Variants in DNAH7 observed in about 807,000 individuals in gnomAD.
The protein encoded by DNAH7 is dynein axonemal heavy chain 7.
A neutral mutation model predicts 444.6 loss-of-function variants in DNAH7; 397 were observed. The ratio of observed to expected loss-of-function variants is 0.89; its 90% CI spans 0.82 to 0.97. The LOEUF (loss-of-function observed/expected upper bound fraction) is 0.97. DNAH7 is among the 50% of genes least tolerant of loss of function. The pLI is 0.00. For missense variants in DNAH7, 4,902 were observed against 4,800.8 expected, an observed-to-expected ratio of 1.02 and a Z score of -0.62; for synonymous variants, 1,636 against 1,624.4, an observed-to-expected ratio of 1.01 and a Z score of -0.17.
At chr2:195,897,282 TTATC>T (rs755506099) in intron 29 of DNAH7, among the ~76,000 whole-genome samples, 13 of 152,186 alleles carry the variant, frequency 8.5e-5, no homozygotes, top group South Asian at 2.1e-4. Context: ...TTAAGCATAT[TTATC>T]TATTTTATTT....
chr2:195,852,120 T>A (rs1188205834), intron 46 of DNAH7, among the ~76,000 whole-genome samples: 1 of 151,968 alleles, frequency 6.6e-6, no homozygotes, highest in East Asian at 1.9e-4. Context: ...TAGCCAGGCG[T>A]GGTGGCGGGC....
chr2:195,995,627 G>T, intron 12 of DNAH7: 2 of 265,966 alleles, frequency 7.5e-6, no homozygotes, highest in South Asian at 7.9e-5. Context: ...GGGCCAAACA[G>T]ACCAGTGGTG....
chr2:195,745,877 A>G (rs985209011), intron 63 of DNAH7, among the ~76,000 whole-genome samples: 7 of 152,240 alleles, frequency 4.6e-5, no homozygotes, highest in Non-Finnish European at 1.0e-4. Context: ...AACAACCGGT[A>G]CCAGCCACTG....
chr2:196,046,629 C>T (rs1159544717), intron 5 of DNAH7, among the ~76,000 whole-genome samples: 1 of 152,104 alleles, frequency 6.6e-6, no homozygotes, highest in Non-Finnish European at 1.5e-5. Flanking sequence ...CTCAACCCAG[C>T]TGCATGGGAC....
At chr2:195,837,114 T>C (rs1698414602) in intron 47 of DNAH7, among the ~76,000 whole-genome samples, 1 of 152,224 alleles carries the variant, frequency 6.6e-6, no homozygotes. Flanking sequence ...TGTTTATTCC[T>C]TTAAAGGAAG....
chr2:195,886,151 G>C lies in DNAH7; in HGVS notation c.5528C>G (p.Ser1843Cys). ...LKERNDRETY[S>C]LLEGIFLFSL... ...GGCAACGGACCTTACCTCAAGCAAAGAGTAAGTTTCTCGATCATTTCTCTC... is the reference window on the plus strand; with the variant it reads ...GGCAACGGACCTTACCTCAAGCAAACAGTAAGTTTCTCGATCATTTCTCTC... Residue 1843 changes from serine to cysteine, a missense_variant, in exon 34 of 65, where the codon TCT becomes TGT. By Grantham distance (112) the Ser-to-Cys change is moderately radical. Coordinates refer to ENST00000312428, the MANE Select transcript of DNAH7 (RefSeq NM_018897.3). The C allele has an allele frequency of 6.2e-7, 1 of 1,613,098 alleles. No homozygotes were observed. The highest frequency in any genetic ancestry group is 8.5e-7 in the Non-Finnish European group (1 of 1,179,618).
Position 195,876,680 on chromosome 2 carries a change from A to C in DNAH7, c.5981T>G (p.Leu1994Arg). 1 of 1,596,412 alleles carries C rather than the reference A, an allele frequency of 6.3e-7. No homozygotes were observed. Among genetic ancestry groups the C allele is most frequent in the Admixed American group, 1.7e-5 (1 of 58,472 alleles). The change falls in exon 37 of 65, where the codon CTA (leucine) becomes CGA (arginine). Residue 1994 changes from leucine to arginine, a missense_variant. Coordinates refer to ENST00000312428, the MANE Select transcript of DNAH7 (RefSeq NM_018897.3). ...VYITNFLLNQLNKEIYKPLLI... is the reference protein window; with the variant it reads ...VYITNFLLNQRNKEIYKPLLI... ...CAGAGGTTTGTAGATTTCCTTATTT[A>C]GTTGATTTAAAAGAAAATTCTATAT...
At chr2:196,041,308 A>T (rs1346810830) in intron 5 of DNAH7, among the ~76,000 whole-genome samples, 1 of 152,146 alleles carries the variant, frequency 6.6e-6, no homozygotes, top group Non-Finnish European at 1.5e-5. Context: ...CAGACTTCAA[A>T]ATACAGTACA....
rs143447308 is a variant in DNAH7 at position 195,919,685 on chromosome 2, C to T, written c.3935+2403G>A. 9.9e-5 allele frequency among the ~76,000 whole-genome samples: 15 copies of T among 152,208 alleles called. No homozygotes were observed. The East Asian group carries it at 2.1e-3, about 22-fold the overall frequency. On this transcript the variant is annotated intron_variant, in intron 24 of 64. Coordinates refer to ENST00000312428, the MANE Select transcript of DNAH7 (RefSeq NM_018897.3). Reference sequence around the variant, plus strand: ...TTAAAGGAAGAGAATTAAATAAATACATTTAATTCAATTAAATCAGTAGGG... The same window carrying T: ...TTAAAGGAAGAGAATTAAATAAATATATTTAATTCAATTAAATCAGTAGGG...
intron 48 of DNAH7, among the ~76,000 whole-genome samples, chr2:195,830,375 C>T (rs180901887): frequency 1.3e-5 from 2 of 152,208 alleles, no homozygotes; most frequent in African/African-American, 4.8e-5. Flanking sequence ...GCATGTAGGA[C>T]ATTAAATAAT....
rs75067824 is a variant in DNAH7, at chr2:195,864,865, C to A, written c.6790G>T (p.Asp2264Tyr). 4.0e-4 allele frequency: 645 copies of A among 1,614,064 alleles called. No homozygotes were observed. In the African/African-American group the frequency reaches 7.8e-3, roughly 19 times the overall value. The change falls in exon 41 of 65, where the codon GAC (aspartate) becomes TAC (tyrosine). Residue 2264 changes from aspartate (D) to tyrosine (Y), a missense_variant. Coordinates refer to ENST00000312428, the MANE Select transcript of DNAH7 (RefSeq NM_018897.3). ...TCACAAAACATTAAGCTGCGTAAGT[C>A]ATCTGCTTCCACCATGCCATCATTA... ...FDNDGMVEAD[D>Y]LRSLMFCDFH...
intron 63 of DNAH7, among the ~76,000 whole-genome samples, chr2:195,752,993 G>C (rs544493828): frequency 9.8e-5 from 15 of 152,304 alleles, no homozygotes; most frequent in African/African-American, 3.4e-4. Context: ...GGGGATTGTA[G>C]AAAGACAATT....
intron 12 of DNAH7, among the ~76,000 whole-genome samples, chr2:195,999,825 C>T (rs1312355247): frequency 3.9e-5 from 6 of 152,106 alleles, no homozygotes; most frequent in African/African-American, 1.2e-4. Flanking sequence ...ACACCAATTA[C>T]TTATAAGATG....
At chr2:195,742,420 G>A (rs1035426301) in intron 63 of DNAH7, among the ~76,000 whole-genome samples, 6 of 152,158 alleles carry the variant, frequency 3.9e-5, no homozygotes, top group Admixed American at 3.3e-4. Flanking sequence ...CCTCATTTGG[G>A]AAGAGTGATA....
chr2:196,011,505 C>T (rs745428692), intron 10 of DNAH7, among the ~76,000 whole-genome samples: 72 of 152,094 alleles, frequency 4.7e-4, no homozygotes, highest in Non-Finnish European at 9.3e-4. Context: ...CACAGAAAAG[C>T]GGGTTTCCAG....
Position 195,858,601 on chromosome 2 carries a change from T to C in DNAH7, c.7940A>G (p.Asp2647Gly). 1 of 1,614,048 alleles carries C rather than the reference T, an allele frequency of 6.2e-7. No homozygotes were observed. The highest frequency in any genetic ancestry group is 8.5e-7 in the Non-Finnish European group (1 of 1,179,962). The change falls in exon 43 of 65, where the codon GAT becomes GGT. Residue 2647 changes from aspartate to glycine, a missense_variant. Asp to Gly is a moderately conservative substitution (Grantham distance 94). Coordinates refer to ENST00000312428, the MANE Select transcript of DNAH7 (RefSeq NM_018897.3). ...AGCTTGTTCATTCGCTATTGTTTCA[T>C]CAGCTTTCACTATTTTTTCAGTTTT... The part of the protein sequence containing the change: ...VAKTEKIVKA[D>G]ETIANEQAMA...
chr2:195,933,605 T>C (rs1688847113), intron 21 of DNAH7, among the ~76,000 whole-genome samples: 1 of 152,076 alleles, frequency 6.6e-6, no homozygotes, highest in African/African-American at 2.4e-5. Flanking sequence ...TGTAGGGACA[T>C]GGATGAAGCT....
chr2:195,808,973 G>T, intron 52 of DNAH7, 97 bp from the exon 53 acceptor site: 1 of 1,026,146 alleles, frequency 9.7e-7, no homozygotes. Context: ...TGACTTCCAA[G>T]TTTCAGATGT....
At chr2:195,895,692 CT>C (rs1183318697) in intron 29 of DNAH7, among the ~76,000 whole-genome samples, 1 of 151,978 alleles carries the variant, frequency 6.6e-6, no homozygotes, top group African/African-American at 2.4e-5. Context: ...TGTAATCCTC[CT>C]TCCCTCCTCT....
Sources: allele counts gnomAD v4.1 joint callset (sites outside exome capture counted in the v4.1 genomes callset), GRCh38; gene constraint gnomAD v4.1.1; transcripts MANE v1.5; gene names NCBI Gene and HGNC (gene_info 2026-07-23, HGNC 2026-07-21).